The following DLG2 variants were observed in gnomAD, a reference collection of about 807,000 sequenced individuals.
The protein encoded by DLG2 is disks large homolog 2.
DLG2 carries 45 observed loss-of-function variants against 132.5 expected under a neutral mutation model. The ratio of observed to expected loss-of-function variants is 0.34; its 90% CI spans 0.27 to 0.44. DLG2 has a LOEUF of 0.44. Ranked by LOEUF, DLG2 falls within the 20% of genes least tolerant of loss-of-function variation. The probability of loss-of-function intolerance (pLI) is 1.00; values close to 1 mark genes in which losing one functional copy is unlikely to be tolerated. For synonymous variants in DLG2, 424 were observed against 419.6 expected (o/e 1.01, Z -0.13); for missense variants, 1,045 against 1,196.9 (o/e 0.87, Z 1.87).
intron 3 of DLG2, among the ~76,000 whole-genome samples, chr11:85,493,802 GGGAAGGAGGGA>G (rs766595406): frequency 4.8e-5 from 7 of 146,400 alleles, no homozygotes; most frequent in African/African-American, 7.6e-5. Context: ...AAGGAAAGGA[GGGAAGGAGGGA>G]GGAAGGAAGG....
intron 8 of DLG2, among the ~76,000 whole-genome samples, chr11:84,193,479 G>A (rs2096455135): frequency 6.6e-6 from 1 of 152,100 alleles, no homozygotes; most frequent in African/African-American, 2.4e-5. Context: ...AAGAATGGCT[G>A]GCATATAATA....
Position 84,459,252 on chromosome 11 carries a change from T to TA in DLG2, c.519+75317dup, listed in dbSNP as rs1278264645. 4.0e-5 allele frequency among the ~76,000 whole-genome samples: 6 copies of TA among 150,890 alleles called. No individual in the cohort carries two copies. In the East Asian group the frequency reaches 1.2e-3, roughly 29 times the overall value. On this transcript the variant is annotated intron_variant, in intron 7 of 27. Coordinates refer to ENST00000376104, the MANE Select transcript of DLG2 (RefSeq NM_001142699.3). ...AGCTCTATTCCACACGTAGCCATTCTATTGGTCTGTCAGCCAGTTCTTGCA... is the reference window on the plus strand; with the variant it reads ...AGCTCTATTCCACACGTAGCCATTCTAATTGGTCTGTCAGCCAGTTCTTGCA...
intron 6 of DLG2, among the ~76,000 whole-genome samples, chr11:84,862,822 G>GC (rs1355213357): frequency 7.5e-5 from 10 of 134,078 alleles, no homozygotes; most frequent in East Asian, 6.1e-4. Flanking sequence ...CCTGTCGGGG[G>GC]GGGGGGGTGG....
chr11:85,296,983 C>T (rs1005585455), intron 3 of DLG2, among the ~76,000 whole-genome samples: 22 of 150,718 alleles, frequency 1.5e-4, no homozygotes, highest in Non-Finnish European at 2.8e-4. Context: ...TTATCATATA[C>T]ATATCATTAT....
intron 8 of DLG2, among the ~76,000 whole-genome samples, chr11:84,192,025 T>C (rs887479352): frequency 6.6e-6 from 1 of 152,278 alleles, no homozygotes; most frequent in African/African-American, 2.4e-5. Flanking sequence ...TATACAGATT[T>C]GCTAGAACAT....
chr11:84,710,997 CATATATATATAGATATATATATAT>C (rs1204524452), intron 6 of DLG2, among the ~76,000 whole-genome samples: 2,301 of 96,166 alleles, frequency 0.024, 45 homozygotes, highest in Non-Finnish European at 0.029. Flanking sequence ...CAAGTACATT[CATATATATATAGATATATATATAT>C]ATATATATAT....
chr11:84,615,035 C>T (rs2099601482), intron 6 of DLG2, among the ~76,000 whole-genome samples: 1 of 152,072 alleles, frequency 6.6e-6, no homozygotes, highest in Non-Finnish European at 1.5e-5. Flanking sequence ...GCCAAGCATT[C>T]AAGCAGGCAC....
rs116949962 is a variant in DLG2, at chr11:84,527,418, C to G, written c.519+7152G>C. On this transcript the variant is annotated intron_variant, in intron 7 of 27. Transcript: ENST00000376104. ...GGCTTCTTCATGCTTCAGCTCTCCT[C>G]CTATAATTTCTCAAATGTGCATTGC... Among the ~76,000 whole-genome samples, 283 of 152,238 alleles carry G rather than the reference C, an allele frequency of 1.9e-3. 4 individuals are homozygous for G. Among genetic ancestry groups the G allele is most frequent in the Non-Finnish European group, 3.3e-3 (225 of 68,008 alleles).
At chr11:83,742,968 A>C (rs1371470147) in intron 18 of DLG2, among the ~76,000 whole-genome samples, 2 of 152,206 alleles carry the variant, frequency 1.3e-5, no homozygotes, top group African/African-American at 4.8e-5. Context: ...ACAACACAGG[A>C]ACACAAACAA....
At chr11:83,865,533 G>C (rs2062175926) in intron 16 of DLG2, among the ~76,000 whole-genome samples, 2 of 151,858 alleles carry the variant, frequency 1.3e-5, no homozygotes, top group Non-Finnish European at 2.9e-5. Context: ...AGGAGGAGGA[G>C]AAAGTTTCTG....
At chr11:84,771,018 A>T (rs1452601601) in intron 6 of DLG2, among the ~76,000 whole-genome samples, 3 of 151,994 alleles carry the variant, frequency 2.0e-5, no homozygotes, top group Non-Finnish European at 4.4e-5. Context: ...CTTTATCCAG[A>T]CAACTATTTA....
chr11:84,989,852 G>C (rs2056892706), intron 6 of DLG2, among the ~76,000 whole-genome samples: 1 of 152,042 alleles, frequency 6.6e-6, no homozygotes, highest in Non-Finnish European at 1.5e-5. Flanking sequence ...TTTTGACAAA[G>C]GTAAAAAACG....
chr11:83,897,340 C>T (rs2072048013), intron 15 of DLG2, among the ~76,000 whole-genome samples: 1 of 152,160 alleles, frequency 6.6e-6, no homozygotes. Context: ...ACAAACAAAA[C>T]AGAAAAGCAT....
intron 5 of DLG2, among the ~76,000 whole-genome samples, chr11:85,135,525 T>C (rs1418664035): frequency 1.3e-5 from 2 of 152,206 alleles, no homozygotes; most frequent in African/African-American, 4.8e-5. Context: ...GGAGCCTGAT[T>C]AGTCTTCTAA....
rs188399085 is a variant in DLG2 at position 85,055,035 on chromosome 11, A to G, written c.357+56626T>C. On this transcript the variant is annotated intron_variant, in intron 6 of 27. Coordinates refer to ENST00000376104, the MANE Select transcript of DLG2 (RefSeq NM_001142699.3). ...AAATAAAAGATTAAAAATAAAAACA[A>G]TCTAAATTTGGCAGCACAATATTTA... Among the ~76,000 whole-genome samples the G allele has an allele frequency of 9.2e-5, 14 of 152,298 alleles. No homozygotes were observed. In the East Asian group the frequency reaches 2.5e-3, roughly 27 times the overall value.
chr11:85,219,115 A>G (rs1394538151), intron 4 of DLG2, among the ~76,000 whole-genome samples: 4 of 152,108 alleles, frequency 2.6e-5, no homozygotes, highest in African/African-American at 9.7e-5. Flanking sequence ...AAAACTACCT[A>G]TCAGGTACCA....
chr11:84,373,261 AAAAC>A (rs1165503200), intron 7 of DLG2, among the ~76,000 whole-genome samples: 15 of 58,272 alleles, frequency 2.6e-4, no homozygotes, highest in East Asian at 1.4e-3. Flanking sequence ...AAAAAAAAAA[AAAAC>A]AAAACAAAAA....
intron 16 of DLG2, among the ~76,000 whole-genome samples, chr11:83,864,801 T>A (rs961563432): frequency 6.8e-6 from 1 of 147,602 alleles, no homozygotes; most frequent in Admixed American, 6.9e-5. Flanking sequence ...CTCTGAGGGA[T>A]TGAAATATAT....
At chr11:84,513,892 A>C (rs2099264532) in intron 7 of DLG2, among the ~76,000 whole-genome samples, 1 of 152,112 alleles carries the variant, frequency 6.6e-6, no homozygotes, top group African/African-American at 2.4e-5. Context: ...CAATCAAAAA[A>C]GTGAAGAGAT....
Sources: allele counts gnomAD v4.1 joint callset (sites outside exome capture counted in the v4.1 genomes callset), GRCh38; gene constraint gnomAD v4.1.1; transcripts MANE v1.5; gene names NCBI Gene and HGNC (gene_info 2026-07-23, HGNC 2026-07-21).